GALNTL6: variants seen among roughly 807,000 people sequenced by gnomAD.
GALNTL6 encodes the protein polypeptide N-acetylgalactosaminyltransferase-like 6.
A neutral mutation model predicts 73.7 loss-of-function variants in GALNTL6; 46 were observed. The ratio of observed to expected loss-of-function variants is 0.62; its 90% confidence interval spans 0.49 to 0.80. The LOEUF is 0.80. Among genes scored for constraint, GALNTL6 ranks in the 30% least tolerant of loss-of-function variants. The probability of loss-of-function intolerance (pLI) is 0.00; values close to 1 mark genes in which losing one functional copy is unlikely to be tolerated. For synonymous variants in GALNTL6, 259 were observed against 263.7 expected (o/e 0.98, Z 0.17); for missense variants, 604 against 755.0 (o/e 0.80, Z 2.34).
intron 7 of GALNTL6, among the ~76,000 whole-genome samples, chr4:172,825,077 C>CT (rs1297983846): frequency 2.7e-4 from 17 of 62,650 alleles, no homozygotes; most frequent in Admixed American, 9.4e-4. Flanking sequence ...TTTTGGTTAT[C>CT]TTTTCTTTCT....
chr4:172,442,056 A>G (rs1447540621), intron 5 of GALNTL6, among the ~76,000 whole-genome samples: 1 of 152,186 alleles, frequency 6.6e-6, no homozygotes, highest in Non-Finnish European at 1.5e-5. Flanking sequence ...TAAGAAATAT[A>G]TATTAAATAA....
intron 5 of GALNTL6, among the ~76,000 whole-genome samples, chr4:172,459,364 GGC>G (rs1732526255): frequency 6.6e-6 from 1 of 152,104 alleles, no homozygotes; most frequent in African/African-American, 2.4e-5. Flanking sequence ...TTCTGGCCAG[GGC>G]AATCAAACAA....
intron 5 of GALNTL6, among the ~76,000 whole-genome samples, chr4:172,660,581 G>A (rs1476472654): frequency 1.3e-5 from 2 of 152,182 alleles, no homozygotes; most frequent in African/African-American, 4.8e-5. Context: ...CTAACAGTGA[G>A]TGAGTTATAG....
At chr4:171,944,793 T>G (rs1382130503) in intron 2 of GALNTL6, among the ~76,000 whole-genome samples, 2 of 151,862 alleles carry the variant, frequency 1.3e-5, no homozygotes, top group African/African-American at 4.8e-5. Flanking sequence ...AAATTTATTG[T>G]TGCATTATAC....
intron 2 of GALNTL6, among the ~76,000 whole-genome samples, chr4:172,165,749 C>G (rs1734602485): frequency 6.6e-6 from 1 of 152,166 alleles, no homozygotes; most frequent in South Asian, 2.1e-4. Flanking sequence ...TAGTGATACT[C>G]ATTTTTTGAA....
At chr4:172,738,599 G>A (rs975347096) in intron 5 of GALNTL6, among the ~76,000 whole-genome samples, 21 of 152,232 alleles carry the variant, frequency 1.4e-4, no homozygotes, top group East Asian at 5.8e-4. Context: ...TTTAAAACGT[G>A]TCAATGAAAA....
intron 2 of GALNTL6, among the ~76,000 whole-genome samples, chr4:171,945,244 G>A (rs956254073): frequency 6.6e-6 from 1 of 152,020 alleles, no homozygotes; most frequent in Non-Finnish European, 1.5e-5. Context: ...AACAGATGCT[G>A]GTAATATCAT....
intron 2 of GALNTL6, among the ~76,000 whole-genome samples, chr4:172,229,253 G>T (rs1485834356): frequency 6.6e-6 from 1 of 152,160 alleles, no homozygotes; most frequent in Non-Finnish European, 1.5e-5. Flanking sequence ...AAGCCGTTCA[G>T]ATATGTTTGA....
At chr4:172,476,457 G>A (rs1733236932) in intron 5 of GALNTL6, among the ~76,000 whole-genome samples, 1 of 152,200 alleles carries the variant, frequency 6.6e-6, no homozygotes, top group South Asian at 2.1e-4. Context: ...AAATATGTAT[G>A]TATTGAACAG....
At chr4:171,837,148 A>G (rs969319082) in intron 2 of GALNTL6, among the ~76,000 whole-genome samples, 1 of 152,174 alleles carries the variant, frequency 6.6e-6, no homozygotes, top group Non-Finnish European at 1.5e-5. Context: ...AAAATGTGTT[A>G]TAAGTTCTGT....
intron 2 of GALNTL6, among the ~76,000 whole-genome samples, chr4:171,863,833 C>T (rs573766714): frequency 1.1e-3 from 169 of 152,166 alleles, no homozygotes; most frequent in Middle Eastern, 3.4e-3. Context: ...TGGCAGCTCA[C>T]TGCAACCTCC....
intron 2 of GALNTL6, among the ~76,000 whole-genome samples, chr4:171,983,143 A>G (rs534191112): frequency 5.9e-5 from 9 of 152,290 alleles, no homozygotes; most frequent in African/African-American, 2.2e-4. Flanking sequence ...ATAAACCCGT[A>G]TAGTTTTAGG....
At chr4:172,271,175 A>G (rs1738636416) in intron 3 of GALNTL6, among the ~76,000 whole-genome samples, 1 of 152,168 alleles carries the variant, frequency 6.6e-6, no homozygotes. Flanking sequence ...TTGTTAAAAT[A>G]TCTTTACATG....
intron 3 of GALNTL6, among the ~76,000 whole-genome samples, chr4:172,258,327 T>G (rs1336446091): frequency 6.6e-6 from 1 of 151,316 alleles, no homozygotes; most frequent in East Asian, 1.9e-4. Flanking sequence ...ATAGGTTATT[T>G]GTTGTCTTTG....
chr4:173,003,643 A>G (rs1752144825), intron 10 of GALNTL6, among the ~76,000 whole-genome samples: 1 of 152,214 alleles, frequency 6.6e-6, no homozygotes, highest in Non-Finnish European at 1.5e-5. Flanking sequence ...GATCGTCTTC[A>G]TTTTACAAAC....
In GALNTL6 at chr4:172,712,976, A is replaced by G. The variant is rs1378992300; in HGVS notation, c.554-96385A>G. Among the ~76,000 whole-genome samples the G allele has an allele frequency of 2.0e-5, 3 of 152,274 alleles. No individual in the cohort carries two copies. The East Asian group carries it at 5.8e-4, about 29-fold the overall frequency. ...TAATTTCCTTACGTGCAAAATGACC[A>G]TAAAATATCTATTAGACTGGGAAGT... On this transcript the variant is annotated intron_variant, in intron 5 of 12. Transcript: ENST00000506823.
intron 7 of GALNTL6, among the ~76,000 whole-genome samples, chr4:172,881,000 A>T (rs190109276): frequency 2.6e-5 from 4 of 152,288 alleles, no homozygotes; most frequent in Admixed American, 1.3e-4. Context: ...TTTGAGATTC[A>T]TTGTGCACAG....
intron 2 of GALNTL6, among the ~76,000 whole-genome samples, chr4:172,155,208 G>A (rs1308042528): frequency 6.6e-6 from 1 of 152,142 alleles, no homozygotes; most frequent in Non-Finnish European, 1.5e-5. Flanking sequence ...ATGTTGGCCA[G>A]CCTGGTCTTG....
chr4:171,904,439 G>C (rs913567681), intron 2 of GALNTL6, among the ~76,000 whole-genome samples: 1 of 151,978 alleles, frequency 6.6e-6, no homozygotes, highest in African/African-American at 2.4e-5. Context: ...AGGGAAGTTC[G>C]GAGAAAAAAG....
Sources: allele counts gnomAD v4.1 joint callset (sites outside exome capture counted in the v4.1 genomes callset), GRCh38; gene constraint gnomAD v4.1.1; transcripts MANE v1.5; gene names NCBI Gene and HGNC (gene_info 2026-07-23, HGNC 2026-07-21).